Variants in LNPK observed in about 807,000 individuals in gnomAD.
LNPK encodes lunapark, ER junction formation factor.
In LNPK, 29 loss-of-function variants were observed where a neutral mutation model predicts 55.2. That is an observed-to-expected ratio of 0.53 (90% CI 0.39 to 0.72). The LOEUF is 0.72. Ranked by LOEUF, LNPK falls within the 30% of genes least tolerant of loss-of-function variation. The pLI is 0.00. For missense variants in LNPK, 467 were observed against 494.8 expected, an observed-to-expected ratio of 0.94 and a Z score of 0.53; for synonymous variants, 162 against 168.2, an observed-to-expected ratio of 0.96 and a Z score of 0.29.
At chr2:175,958,318 C>A (rs888545126) in intron 8 of LNPK, among the ~76,000 whole-genome samples, 2 of 152,192 alleles carry the variant, frequency 1.3e-5, no homozygotes, top group Non-Finnish European at 2.9e-5. Context: ...TAGGGGTCGA[C>A]CGACACCTTA....
At position 175,938,305 on chromosome 2, in the gene LNPK, A is replaced by G; in HGVS notation, c.883+8T>C. The G allele has an allele frequency of 6.5e-7, 1 of 1,534,174 alleles. No individual in the cohort carries two copies. Among genetic ancestry groups the G allele is most frequent in the Non-Finnish European group, 9.0e-7 (1 of 1,112,784 alleles). On this transcript the variant is annotated splice_region_variant and intron_variant, in intron 11 of 12. Transcript: ENST00000272748. Reference sequence around the variant, plus strand: ...AATATTTAAATCTCATTGCCCAATAATTCTTACCAATGTATTCAAATTCTT... The same window carrying G: ...AATATTTAAATCTCATTGCCCAATAGTTCTTACCAATGTATTCAAATTCTT...
At chr2:175,970,318 C>T (rs1242082720) in intron 6 of LNPK, among the ~76,000 whole-genome samples, 2 of 152,088 alleles carry the variant, frequency 1.3e-5, no homozygotes, top group African/African-American at 4.8e-5. Context: ...TTATCTCTCT[C>T]TCTCTCCCAT....
chr2:175,933,243 C>T (rs1052578218), intron 12 of LNPK, among the ~76,000 whole-genome samples: 7 of 152,088 alleles, frequency 4.6e-5, no homozygotes, highest in African/African-American at 1.7e-4. Context: ...AACTGAAACT[C>T]ATAAAACAGT....
intron 12 of LNPK, among the ~76,000 whole-genome samples, chr2:175,934,787 A>G (rs1302523383): frequency 6.6e-6 from 1 of 151,722 alleles, no homozygotes; most frequent in Non-Finnish European, 1.5e-5. Context: ...TATGCCCTCA[A>G]GCAAAAAGAC....
At chr2:175,990,641 T>C (rs1212911974) in intron 4 of LNPK, among the ~76,000 whole-genome samples, 1 of 152,200 alleles carries the variant, frequency 6.6e-6, no homozygotes, top group Non-Finnish European at 1.5e-5. Flanking sequence ...TAAGTCTTCT[T>C]TCTTTTTACC....
chr2:175,929,761 G>A lies in LNPK; in HGVS notation c.*206C>T. The A allele has an allele frequency of 7.1e-7, 1 of 1,404,176 alleles. No individual in the cohort carries two copies. The highest frequency in any genetic ancestry group is 9.2e-7 in the Non-Finnish European group (1 of 1,083,750). The allele number at this position is 1,404,176 out of a possible 1,614,324, so 87.0% of individuals were successfully genotyped here. A position where few individuals can be genotyped will look rare whatever the true frequency, so the allele number is the denominator to read the frequency against. ...AGTGTGGGTCTTTGTACATTCAAAAGGATCTTACTTCACTGATATAACTTG... is the reference window on the plus strand; with the variant it reads ...AGTGTGGGTCTTTGTACATTCAAAAAGATCTTACTTCACTGATATAACTTG... On this transcript the variant is annotated 3_prime_UTR_variant, in exon 13 of 13. Transcript: ENST00000272748.
intron 9 of LNPK, among the ~76,000 whole-genome samples, chr2:175,947,001 T>G (rs141411456): frequency 1.0e-3 from 153 of 151,856 alleles, no homozygotes; most frequent in African/African-American, 3.3e-3. Context: ...ATACTAAGGT[T>G]CTATGCCTTA....
chr2:175,970,727 T>C (rs1357565509), intron 6 of LNPK, 37 bp downstream of exon 6: 1 of 1,121,826 alleles, frequency 8.9e-7, no homozygotes, highest in East Asian at 3.1e-5. Flanking sequence ...TTCTTATTAG[T>C]TTAATATAAA....
chr2:175,974,766 A>T (rs1215502982), intron 5 of LNPK, among the ~76,000 whole-genome samples: 3 of 152,142 alleles, frequency 2.0e-5, no homozygotes, highest in Non-Finnish European at 4.4e-5. Flanking sequence ...TCAGGCTTAA[A>T]AAAATACTAT....
Position 175,980,933 on chromosome 2 carries a change from G to A in LNPK, c.258-1065C>T, listed in dbSNP as rs533853042. Among the ~76,000 whole-genome samples the A allele has an allele frequency of 3.0e-4, 44 of 148,466 alleles. 1 individual carries two copies. In the South Asian group the frequency reaches 9.2e-3, roughly 31 times the overall value. On this transcript the variant is annotated intron_variant, in intron 4 of 12. Coordinates refer to ENST00000272748, the MANE Select transcript of LNPK (RefSeq NM_030650.3). ...AAAAAAAAAAAAAAGAAAGAAAGAA[G>A]TATATAAACATTATTCATCATCTTA...
chr2:175,935,169 T>A (rs2105522059), intron 12 of LNPK, among the ~76,000 whole-genome samples: 1 of 152,348 alleles, frequency 6.6e-6, no homozygotes, highest in South Asian at 2.1e-4. Flanking sequence ...AAGAAAGTTA[T>A]CTTTTGGTTC....
In LNPK at chr2:175,939,559, G is replaced by T; in HGVS notation, c.805C>A (p.Gln269Lys). Reference protein sequence around the residue: ...IVEYLVGDGPQNRYALICQQC... With the variant: ...IVEYLVGDGPKNRYALICQQC... ...CACCTTAGTAAATATTACCTGTTTTGTGGACCATCACCAACCAAATATTCA... is the reference window on the plus strand; with the variant it reads ...CACCTTAGTAAATATTACCTGTTTTTTGGACCATCACCAACCAAATATTCA... The change falls in exon 10 of 13, where the codon CAA (glutamine) becomes AAA (lysine). Residue 269 changes from glutamine to lysine, a missense_variant. Gln to Lys is a moderately conservative substitution (Grantham distance 53). Coordinates refer to ENST00000272748, the MANE Select transcript of LNPK (RefSeq NM_030650.3). The T allele has an allele frequency of 1.3e-6, 2 of 1,544,282 alleles. No homozygotes were observed. Among genetic ancestry groups the T allele is most frequent in the Non-Finnish European group, 1.8e-6 (2 of 1,119,406 alleles).
At chr2:175,991,515 A>G (rs1436918485) in intron 4 of LNPK, among the ~76,000 whole-genome samples, 1 of 152,222 alleles carries the variant, frequency 6.6e-6, no homozygotes, top group Admixed American at 6.5e-5. Context: ...TTATAGTAGT[A>G]TTCAGACTGA....
At chr2:175,960,838 G>A (rs180903520) in intron 8 of LNPK, among the ~76,000 whole-genome samples, 17 of 152,132 alleles carry the variant, frequency 1.1e-4, no homozygotes, top group African/African-American at 3.6e-4. Context: ...AGAAAAGAGA[G>A]AAGAATCAAA....
chr2:175,976,005 T>C (rs915703877), intron 5 of LNPK, among the ~76,000 whole-genome samples: 1 of 151,870 alleles, frequency 6.6e-6, no homozygotes, highest in African/African-American at 2.4e-5. Flanking sequence ...GGAGTGAGAC[T>C]CCATCTCAAA....
chr2:175,940,656 A>C (rs1459535278), intron 9 of LNPK, among the ~76,000 whole-genome samples: 1 of 152,210 alleles, frequency 6.6e-6, no homozygotes, highest in African/African-American at 2.4e-5. Flanking sequence ...AATAAGCAGG[A>C]AAATATCACT....
At chr2:175,931,209 C>G (rs966577264) in intron 12 of LNPK, among the ~76,000 whole-genome samples, 1 of 152,078 alleles carries the variant, frequency 6.6e-6, no homozygotes, top group African/African-American at 2.4e-5. Flanking sequence ...GCATATTTTT[C>G]CACTCTCATA....
chr2:175,957,901 A>G (rs528045564), intron 8 of LNPK, among the ~76,000 whole-genome samples: 2 of 152,142 alleles, frequency 1.3e-5, no homozygotes, highest in Non-Finnish European at 2.9e-5. Context: ...ACACCAGGGG[A>G]TTATATCCCG....
At chr2:175,938,273 A>G in intron 11 of LNPK, 40 bp downstream of exon 11, 1 of 1,208,750 alleles carries the variant, frequency 8.3e-7, no homozygotes, top group Non-Finnish European at 1.2e-6. Context: ...AAAATATTTA[A>G]GCATAAAATA....
Sources: gnomAD v4.1 joint callset for allele counts (sites outside exome capture counted in the v4.1 genomes callset) on GRCh38, gnomAD v4.1.1 for gene constraint, MANE v1.5 for transcripts, NCBI Gene and HGNC (gene_info 2026-07-23, HGNC 2026-07-21) for gene names.